PIK3C2G: variants seen among roughly 807,000 people sequenced by gnomAD.
PIK3C2G encodes the protein phosphatidylinositol 3-kinase C2 domain-containing subunit gamma.
Under a neutral mutation model 181.1 loss-of-function variants are expected in PIK3C2G, and 168 were observed. That is an observed-to-expected ratio of 0.93 (90% confidence interval 0.82 to 1.05). The LOEUF (loss-of-function observed/expected upper bound fraction) is 1.05. Among genes scored for constraint, PIK3C2G ranks in the 50% least tolerant of loss-of-function variants. PIK3C2G has a pLI of 0.00. For missense variants in PIK3C2G, 1,869 were observed against 1,732.8 expected, an observed-to-expected ratio of 1.08 and a Z score of -1.40; for synonymous variants, 573 against 592.2, an observed-to-expected ratio of 0.97 and a Z score of 0.47.
At chr12:18,571,073 T>G (rs1343522215) in intron 29 of PIK3C2G, among the ~76,000 whole-genome samples, 1 of 150,894 alleles carries the variant, frequency 6.6e-6, no homozygotes, top group Non-Finnish European at 1.5e-5. Context: ...CTCTATACAA[T>G]ATTGTATATA....
At chr12:18,696,715 C>T in the PIK3C2G span, among the ~76,000 whole-genome samples, 1 of 151,946 alleles carries the variant, frequency 6.6e-6, no homozygotes, top group Non-Finnish European at 1.5e-5. Flanking sequence ...CTATACGATT[C>T]CAGCTAAATT....
intron 18 of PIK3C2G, among the ~76,000 whole-genome samples, chr12:18,443,404 T>G (rs1448069463): frequency 6.6e-6 from 1 of 152,188 alleles, no homozygotes; most frequent in Admixed American, 6.5e-5. Flanking sequence ...TTTCATTCAA[T>G]GTGATGTGAA....
intron 1 of PIK3C2G, among the ~76,000 whole-genome samples, chr12:18,248,416 AT>A (rs1449644043): frequency 6.6e-6 from 1 of 152,044 alleles, no homozygotes; most frequent in Non-Finnish European, 1.5e-5. Flanking sequence ...ACTAAAAAAA[AT>A]ACAAAAAATT....
chr12:18,622,093 A>G (rs895654175), intron 31 of PIK3C2G, among the ~76,000 whole-genome samples: 2 of 151,900 alleles, frequency 1.3e-5, no homozygotes, highest in African/African-American at 4.8e-5. Context: ...TCTTAGTGAT[A>G]CTGAAATGTA....
intron 1 of PIK3C2G, among the ~76,000 whole-genome samples, chr12:18,254,430 CTTGT>C (rs543307615): frequency 2.3e-3 from 354 of 152,066 alleles, no homozygotes; most frequent in African/African-American, 8.4e-3. Flanking sequence ...CAATAGATGA[CTTGT>C]TTATTTTCAT....
intron 10 of PIK3C2G, among the ~76,000 whole-genome samples, chr12:18,345,265 T>C (rs1939560143): frequency 6.6e-6 from 1 of 152,168 alleles, no homozygotes; most frequent in East Asian, 1.9e-4. Context: ...TTTAAGACTA[T>C]TTTTACACTG....
chr12:18,675,712 A>G, the PIK3C2G span, among the ~76,000 whole-genome samples: 1 of 152,186 alleles, frequency 6.6e-6, no homozygotes, highest in East Asian at 1.9e-4. Context: ...ATAAAATTAT[A>G]TCTTTTGCAG....
chr12:18,528,255 T>C (rs1349490072), intron 24 of PIK3C2G, among the ~76,000 whole-genome samples: 2 of 152,186 alleles, frequency 1.3e-5, no homozygotes, highest in African/African-American at 4.8e-5. Flanking sequence ...ATGTAGGTCA[T>C]TTGTGATATC....
chr12:18,679,414 A>T, the PIK3C2G span, among the ~76,000 whole-genome samples: 1 of 152,018 alleles, frequency 6.6e-6, no homozygotes, highest in African/African-American at 2.4e-5. Flanking sequence ...TAGAAGTTTC[A>T]TAACTTTAGC....
intron 11 of PIK3C2G, among the ~76,000 whole-genome samples, chr12:18,357,713 A>G (rs1044904804): frequency 5.3e-5 from 8 of 152,244 alleles, no homozygotes; most frequent in Non-Finnish European, 1.2e-4. Context: ...AATGTTAACT[A>G]CATGTGCATT....
At chr12:18,252,038 T>TA (rs1948100218) in intron 1 of PIK3C2G, among the ~76,000 whole-genome samples, 1 of 152,104 alleles carries the variant, frequency 6.6e-6, no homozygotes, top group South Asian at 2.1e-4. Flanking sequence ...AACATTCAGT[T>TA]AAAAAACTAC....
At chr12:18,635,819 G>A (rs1949575861) in intron 31 of PIK3C2G, among the ~76,000 whole-genome samples, 2 of 152,086 alleles carry the variant, frequency 1.3e-5, no homozygotes, top group South Asian at 4.1e-4. Context: ...AATGGGCCAG[G>A]CTAACACACC....
chr12:18,545,459 C>T (rs1026589846), intron 25 of PIK3C2G, among the ~76,000 whole-genome samples: 3 of 151,518 alleles, frequency 2.0e-5, no homozygotes, highest in African/African-American at 7.3e-5. Flanking sequence ...TATTCCAGAG[C>T]AGTAAATAAT....
chr12:18,268,141 G>T (rs4385947), intron 1 of PIK3C2G, among the ~76,000 whole-genome samples: 114,111 of 152,014 alleles, frequency 0.75, 43,203 homozygotes, highest in East Asian at 0.93. Context: ...ACAAAGCAAG[G>T]GCCAGCCAGT....
chr12:18,264,418 G>A (rs1022665387), intron 1 of PIK3C2G, among the ~76,000 whole-genome samples: 1 of 151,918 alleles, frequency 6.6e-6, no homozygotes, highest in Admixed American at 6.6e-5. Context: ...CTACTCTTAA[G>A]CACATTCTTT....
chr12:18,396,135 T>C (rs997080656), intron 15 of PIK3C2G, among the ~76,000 whole-genome samples: 2 of 151,726 alleles, frequency 1.3e-5, no homozygotes, highest in African/African-American at 4.8e-5. Flanking sequence ...TATATAATTT[T>C]ATTCTGTTTA....
intron 12 of PIK3C2G, among the ~76,000 whole-genome samples, chr12:18,364,468 G>C (rs1941494304): frequency 6.6e-6 from 1 of 152,060 alleles, no homozygotes; most frequent in South Asian, 2.1e-4. Context: ...ATTTCTGTAT[G>C]CTCCTACCGA....
At chr12:18,253,687 C>G (rs1043485095) in intron 1 of PIK3C2G, among the ~76,000 whole-genome samples, 1 of 152,128 alleles carries the variant, frequency 6.6e-6, no homozygotes, top group Non-Finnish European at 1.5e-5. Context: ...CAATGAAACT[C>G]TTGAAGGACT....
the PIK3C2G span, among the ~76,000 whole-genome samples, chr12:18,709,628 T>A: frequency 6.6e-6 from 1 of 152,058 alleles, no homozygotes; most frequent in Non-Finnish European, 1.5e-5. Flanking sequence ...ACACCTGTAA[T>A]CCCAGCACTT....
Sources: allele counts gnomAD v4.1 joint callset (sites outside exome capture counted in the v4.1 genomes callset), GRCh38; gene constraint gnomAD v4.1.1; transcripts MANE v1.5; gene names NCBI Gene and HGNC (gene_info 2026-07-23, HGNC 2026-07-21).